Variants in TMTC2 observed in about 807,000 individuals in gnomAD.
TMTC2 encodes protein O-mannosyl-transferase TMTC2.
A neutral mutation model predicts 82.4 loss-of-function variants in TMTC2; 43 were observed. That is an observed-to-expected ratio of 0.52 (90% CI 0.41 to 0.67). The LOEUF (loss-of-function observed/expected upper bound fraction) is 0.67. Ranked by LOEUF, TMTC2 falls within the 30% of genes least tolerant of loss-of-function variation. The pLI, the probability that TMTC2 is intolerant of heterozygous loss-of-function variation, is 0.00. For missense variants in TMTC2, 919 were observed against 1,012.4 expected, an observed-to-expected ratio of 0.91 and a Z score of 1.25; for synonymous variants, 408 against 381.9, an observed-to-expected ratio of 1.07 and a Z score of -0.80.
chr12:82,931,157 G>A (rs981794506), intron 4 of TMTC2, among the ~76,000 whole-genome samples: 6 of 151,914 alleles, frequency 3.9e-5, no homozygotes, highest in Non-Finnish European at 7.4e-5. Context: ...CAATTCTCTT[G>A]CCTCACACTG....
chr12:83,024,852 C>A (rs1012550888), intron 8 of TMTC2, among the ~76,000 whole-genome samples: 1 of 152,066 alleles, frequency 6.6e-6, no homozygotes, highest in African/African-American at 2.4e-5. Flanking sequence ...TTACTAATAA[C>A]ATGTAAATAA....
chr12:83,110,189 A>G (rs954745417), intron 11 of TMTC2, among the ~76,000 whole-genome samples: 2 of 152,168 alleles, frequency 1.3e-5, no homozygotes, highest in Non-Finnish European at 2.9e-5. Flanking sequence ...GTTATTCTAG[A>G]TAAATTATTC....
chr12:83,082,518 T>C (rs1883505134), intron 11 of TMTC2, among the ~76,000 whole-genome samples: 2 of 152,210 alleles, frequency 1.3e-5, no homozygotes, highest in South Asian at 4.1e-4. Flanking sequence ...CTTGACAATA[T>C]AGACTGTGCT....
At chr12:82,921,575 T>C (rs1173907577) in intron 3 of TMTC2, among the ~76,000 whole-genome samples, 1 of 152,226 alleles carries the variant, frequency 6.6e-6, no homozygotes, top group Non-Finnish European at 1.5e-5. Flanking sequence ...GATGGAGCAG[T>C]AGCCCTTCCA....
chr12:82,863,770 G>A (rs959326549), intron 2 of TMTC2, among the ~76,000 whole-genome samples: 8 of 152,122 alleles, frequency 5.3e-5, no homozygotes, highest in East Asian at 1.9e-4. Context: ...TGTGCCAAGC[G>A]CTATAGTAGG....
At chr12:82,787,787 C>T (rs1004188982) in intron 1 of TMTC2, among the ~76,000 whole-genome samples, 1 of 151,792 alleles carries the variant, frequency 6.6e-6, no homozygotes, top group South Asian at 2.1e-4. Flanking sequence ...GGTGTGTGCC[C>T]GTAGTCCCAG....
At chr12:82,728,971 C>G (rs1057348739) in intron 1 of TMTC2, among the ~76,000 whole-genome samples, 1 of 152,230 alleles carries the variant, frequency 6.6e-6, no homozygotes, top group African/African-American at 2.4e-5. Context: ...AGGCAGGGCT[C>G]GGGACCTGCA....
intron 1 of TMTC2, among the ~76,000 whole-genome samples, chr12:82,693,058 G>A (rs1233299857): frequency 6.6e-6 from 1 of 152,128 alleles, no homozygotes; most frequent in Non-Finnish European, 1.5e-5. Flanking sequence ...CTACAGCACT[G>A]CTTACCTTGT....
chr12:83,001,852 C>T (rs11115514), intron 8 of TMTC2, among the ~76,000 whole-genome samples: 2,221 of 152,090 alleles, frequency 0.015, 64 homozygotes, highest in African/African-American at 0.05. Flanking sequence ...TTATTCATAT[C>T]ACTGTTAGAA....
chr12:82,910,725 G>C (rs935288495), intron 3 of TMTC2, among the ~76,000 whole-genome samples: 4 of 152,084 alleles, frequency 2.6e-5, no homozygotes, highest in African/African-American at 9.7e-5. Flanking sequence ...TGATTGCTCC[G>C]GCCAAACTCT....
chr12:82,945,588 A>T (rs1329668871), intron 4 of TMTC2, among the ~76,000 whole-genome samples: 1 of 152,208 alleles, frequency 6.6e-6, no homozygotes. Context: ...GTGCAGGCTG[A>T]TGTGCAGCAG....
chr12:82,739,150 A>T (rs1479381577), intron 1 of TMTC2, among the ~76,000 whole-genome samples: 1 of 145,356 alleles, frequency 6.9e-6, no homozygotes, highest in Non-Finnish European at 1.5e-5. Context: ...TCTGTCTTAA[A>T]AAAAAAAAAA....
At chr12:83,122,079 C>T (rs1259535273) in intron 11 of TMTC2, among the ~76,000 whole-genome samples, 3 of 152,008 alleles carry the variant, frequency 2.0e-5, no homozygotes, top group Admixed American at 2.0e-4. Context: ...CTACCCGCTT[C>T]CCAGCTGTGA....
At chr12:82,837,675 C>T (rs929393624) in intron 1 of TMTC2, among the ~76,000 whole-genome samples, 7 of 152,114 alleles carry the variant, frequency 4.6e-5, no homozygotes, top group East Asian at 1.9e-4. Context: ...TCTTCCATTC[C>T]GACAGCTTTC....
chr12:82,780,642 C>T (rs111635861), intron 1 of TMTC2, among the ~76,000 whole-genome samples: 2 of 152,068 alleles, frequency 1.3e-5, no homozygotes, highest in Admixed American at 6.6e-5. Flanking sequence ...AAAGTCTCTT[C>T]ATAAGCAACA....
At chr12:82,709,716 A>G (rs1352547831) in intron 1 of TMTC2, among the ~76,000 whole-genome samples, 2 of 152,200 alleles carry the variant, frequency 1.3e-5, no homozygotes, top group Admixed American at 6.5e-5. Context: ...GCTAAGAGAG[A>G]CACATTATAT....
At chr12:82,937,771 T>TATATAC (rs1876442313) in intron 4 of TMTC2, among the ~76,000 whole-genome samples, 5 of 24,048 alleles carry the variant, frequency 2.1e-4, no homozygotes, top group African/African-American at 6.6e-4. Context: ...TATATATATA[T>TATATAC]ATATATATAT....
chr12:82,722,720 C>T (rs904608944), intron 1 of TMTC2, among the ~76,000 whole-genome samples: 1 of 152,024 alleles, frequency 6.6e-6, no homozygotes, highest in Non-Finnish European at 1.5e-5. Context: ...TCGGCCTGGG[C>T]AATGAAGCAA....
At chr12:82,763,201 AC>A (rs200643269) in intron 1 of TMTC2, among the ~76,000 whole-genome samples, 5 of 145,488 alleles carry the variant, frequency 3.4e-5, no homozygotes, top group South Asian at 2.2e-4. Context: ...GAAAAAAAAA[AC>A]AAGAAAAAAA....
Sources: allele counts gnomAD v4.1 joint callset (sites outside exome capture counted in the v4.1 genomes callset), GRCh38; gene constraint gnomAD v4.1.1; transcripts MANE v1.5; gene names NCBI Gene and HGNC (gene_info 2026-07-23, HGNC 2026-07-21).